ADK: variants seen among roughly 807,000 people sequenced by gnomAD.
The protein encoded by ADK is adenosine kinase, also known as N6,N6-dimethyladenosine kinase.
Under a neutral mutation model 44.7 loss-of-function variants are expected in ADK, and 24 were observed. The observed-to-expected ratio is 0.54, with a 90% CI of 0.39 to 0.76. The LOEUF (loss-of-function observed/expected upper bound fraction) is 0.76. Among genes scored for constraint, ADK ranks in the 30% least tolerant of loss-of-function variants. The pLI is 0.00. For missense variants in ADK, 321 were observed against 425.1 expected (o/e 0.76, Z 2.15); for synonymous variants, 128 against 142.6 (o/e 0.90, Z 0.73).
At chr10:74,672,347 G>C (rs1233414745) in intron 10 of ADK, among the ~76,000 whole-genome samples, 2 of 152,132 alleles carry the variant, frequency 1.3e-5, no homozygotes, top group African/African-American at 4.8e-5. Flanking sequence ...CTCTCCAGCT[G>C]TACAAAAACA....
intron 6 of ADK, among the ~76,000 whole-genome samples, chr10:74,466,153 A>C (rs1198432852): frequency 6.6e-6 from 1 of 152,046 alleles, no homozygotes; most frequent in Non-Finnish European, 1.5e-5. Flanking sequence ...TATGTCATGG[A>C]TGTACCGGAG....
At chr10:74,473,535 G>C (rs890523192) in intron 6 of ADK, among the ~76,000 whole-genome samples, 2 of 152,136 alleles carry the variant, frequency 1.3e-5, no homozygotes, top group East Asian at 3.8e-4. Context: ...TTGTGGCCTT[G>C]ACACTTATGA....
At chr10:74,517,935 G>T (rs1391399743) in intron 6 of ADK, among the ~76,000 whole-genome samples, 1 of 151,776 alleles carries the variant, frequency 6.6e-6, no homozygotes, top group East Asian at 1.9e-4. Context: ...AATTATAAAT[G>T]ATTTATACAT....
intron 3 of ADK, among the ~76,000 whole-genome samples, chr10:74,313,538 G>T (rs1205648453): frequency 6.6e-6 from 1 of 151,948 alleles, no homozygotes; most frequent in Non-Finnish European, 1.5e-5. Flanking sequence ...GTATTAGTCT[G>T]ATTTTTATTC....
chr10:74,530,066 T>C (rs1324901322), intron 7 of ADK, among the ~76,000 whole-genome samples: 2 of 152,154 alleles, frequency 1.3e-5, no homozygotes, highest in African/African-American at 4.8e-5. Flanking sequence ...TTTTTTTAAA[T>C]GTTAGTAGAC....
chr10:74,173,222 CT>C (rs1484064369), intron 1 of ADK, among the ~76,000 whole-genome samples: 1 of 151,070 alleles, frequency 6.6e-6, no homozygotes, highest in East Asian at 2.0e-4. Flanking sequence ...TCCCAAGTGG[CT>C]GGGACTACAG....
intron 4 of ADK, among the ~76,000 whole-genome samples, chr10:74,357,407 G>T (rs1842181206): frequency 6.6e-6 from 1 of 151,712 alleles, no homozygotes; most frequent in African/African-American, 2.4e-5. Context: ...AACTCCATGG[G>T]CTCAGGTGAC....
chr10:74,228,202 G>C (rs1844619989), intron 3 of ADK, among the ~76,000 whole-genome samples: 1 of 152,164 alleles, frequency 6.6e-6, no homozygotes, highest in South Asian at 2.1e-4. Flanking sequence ...AGATTGGCAT[G>C]GGAAAACAGG....
chr10:74,183,574 C>A (rs2132091157), intron 1 of ADK, among the ~76,000 whole-genome samples: 1 of 150,958 alleles, frequency 6.6e-6, no homozygotes, highest in East Asian at 2.0e-4. Flanking sequence ...GCAGTGGCGC[C>A]ATCTTGGCTC....
chr10:74,626,302 ATTT>A (rs571501922), intron 9 of ADK, among the ~76,000 whole-genome samples: 5 of 139,796 alleles, frequency 3.6e-5, no homozygotes, highest in Admixed American at 7.2e-5. Context: ...AAGAGTCTAA[ATTT>A]TTTTTTTTTT....
At chr10:74,636,003 C>T (rs1333335478) in intron 9 of ADK, among the ~76,000 whole-genome samples, 2 of 151,600 alleles carry the variant, frequency 1.3e-5, no homozygotes, top group Admixed American at 6.6e-5. Flanking sequence ...CAAGGAGGTT[C>T]GTGGAGCCCA....
At chr10:74,597,715 G>A (rs1851970904) in intron 8 of ADK, among the ~76,000 whole-genome samples, 1 of 152,200 alleles carries the variant, frequency 6.6e-6, no homozygotes, top group African/African-American at 2.4e-5. Context: ...CAGTGTCACA[G>A]ATTCTTATTG....
At chr10:74,498,542 A>G (rs1375340818) in intron 6 of ADK, among the ~76,000 whole-genome samples, 3 of 152,180 alleles carry the variant, frequency 2.0e-5, no homozygotes, top group Non-Finnish European at 2.9e-5. Context: ...TATTTTTATT[A>G]TACTTTAAGT....
intron 3 of ADK, among the ~76,000 whole-genome samples, chr10:74,282,317 AATT>A (rs1198072361): frequency 6.6e-6 from 1 of 152,226 alleles, no homozygotes; most frequent in Non-Finnish European, 1.5e-5. Context: ...TGAAGTTGTA[AATT>A]AATACCTCAT....
At chr10:74,267,761 T>TGTGTGTGTGTGG (rs1846268969) in intron 3 of ADK, among the ~76,000 whole-genome samples, 1 of 143,484 alleles carries the variant, frequency 7.0e-6, no homozygotes, top group African/African-American at 2.6e-5. Context: ...TATTTGTGTG[T>TGTGTGTGTGTGG]GTGTGTGTGT....
intron 6 of ADK, among the ~76,000 whole-genome samples, chr10:74,497,899 C>CTT (rs1055585817): frequency 7.0e-6 from 1 of 142,824 alleles, no homozygotes; most frequent in Admixed American, 6.9e-5. Flanking sequence ...TTTTTTTTTT[C>CTT]TTTTTTTTGA....
chr10:74,652,164 C>T (rs548714909), intron 9 of ADK, among the ~76,000 whole-genome samples: 88 of 151,546 alleles, frequency 5.8e-4, no homozygotes, highest in African/African-American at 2.1e-3. Flanking sequence ...GCCTCAGCCT[C>T]CCGAGTACCT....
intron 6 of ADK, among the ~76,000 whole-genome samples, chr10:74,431,023 C>T (rs189862105): frequency 0.028 from 4,092 of 145,614 alleles, 83 homozygotes; most frequent in Non-Finnish European, 0.042. Flanking sequence ...GCCGAGATCC[C>T]GCCACTGCAC....
At position 74,610,572 on chromosome 10, in the gene ADK, A is replaced by G. The variant is rs1010764859; in HGVS notation, c.877+10079A>G. Among the ~76,000 whole-genome samples, 3 of 152,272 alleles carry G rather than the reference A, an allele frequency of 2.0e-5. No homozygotes were observed. In the East Asian group the frequency reaches 5.8e-4, roughly 29 times the overall value. On this transcript the variant is annotated intron_variant, in intron 9 of 10. Coordinates refer to ENST00000539909, the MANE Select transcript of ADK (RefSeq NM_006721.4). Reference sequence around the variant, plus strand: ...GCTTAAAATGTTACATTTTATGTATATTTTTATTTTTTAAGCATATTTTTC... The same window carrying G: ...GCTTAAAATGTTACATTTTATGTATGTTTTTATTTTTTAAGCATATTTTTC...
Sources: allele counts gnomAD v4.1 joint callset (sites outside exome capture counted in the v4.1 genomes callset), GRCh38; gene constraint gnomAD v4.1.1; transcripts MANE v1.5; gene names NCBI Gene and HGNC (gene_info 2026-07-23, HGNC 2026-07-21).